Variants in MME observed in about 807,000 individuals in gnomAD.
MME encodes the protein membrane metalloendopeptidase, also known as neprilysin.
Under a neutral mutation model 113.2 loss-of-function variants are expected in MME, and 98 were observed. The ratio of observed to expected loss-of-function variants is 0.87; its 90% CI spans 0.74 to 1.02. MME has a LOEUF of 1.02. Ranked by LOEUF, MME falls within the 50% of genes least tolerant of loss-of-function variation. The pLI is 0.00. For synonymous variants in MME, 292 were observed against 300.6 expected, an observed-to-expected ratio of 0.97 and a Z score of 0.30; for missense variants, 836 against 896.0, an observed-to-expected ratio of 0.93 and a Z score of 0.86.
At chr3:155,032,020 C>T (rs1351374324) in intron 1 of MME, among the ~76,000 whole-genome samples, 3 of 152,136 alleles carry the variant, frequency 2.0e-5, no homozygotes, top group Non-Finnish European at 4.4e-5. Context: ...CAAGGTACCC[C>T]ATTTTCACTA....
intron 1 of MME, among the ~76,000 whole-genome samples, chr3:155,029,080 C>G (rs1331584090): frequency 6.6e-6 from 1 of 152,116 alleles, no homozygotes; most frequent in Non-Finnish European, 1.5e-5. Context: ...CTAATAAACA[C>G]AACATGAGAC....
chr3:155,133,056 A>ATATATATATAT (rs1466261014), intron 8 of MME, among the ~76,000 whole-genome samples: 1 of 85,324 alleles, frequency 1.2e-5, no homozygotes, highest in Non-Finnish European at 2.7e-5. Flanking sequence ...AAAAAAAAAA[A>ATATATATATAT]AAAAAAATAT....
intron 3 of MME, among the ~76,000 whole-genome samples, chr3:155,100,497 T>C (rs1221501143): frequency 6.6e-6 from 1 of 152,182 alleles, no homozygotes; most frequent in Non-Finnish European, 1.5e-5. Context: ...AGTGTGGTGA[T>C]TCCTCAGAGA....
intron 1 of MME, among the ~76,000 whole-genome samples, chr3:155,068,780 T>C (rs1044687156): frequency 1.1e-4 from 17 of 152,174 alleles, no homozygotes; most frequent in Non-Finnish European, 2.4e-4. Context: ...GAACAATGAA[T>C]TGAGATCAAG....
intron 1 of MME, among the ~76,000 whole-genome samples, chr3:155,025,680 TCTTTCTTTC>T (rs1319938739): frequency 6.8e-6 from 1 of 147,636 alleles, no homozygotes; most frequent in Non-Finnish European, 1.5e-5. Context: ...ATTTTTTCTT[TCTTTCTTTC>T]TTTTTTTTTT....
intron 1 of MME, among the ~76,000 whole-genome samples, chr3:155,045,583 T>C (rs912085633): frequency 6.6e-6 from 1 of 151,522 alleles, no homozygotes; most frequent in Non-Finnish European, 1.5e-5. Flanking sequence ...CTGGTATCAG[T>C]AGGCTCTGTG....
intron 22 of MME, among the ~76,000 whole-genome samples, chr3:155,177,058 G>C (rs910464708): frequency 2.6e-5 from 4 of 151,886 alleles, no homozygotes; most frequent in Non-Finnish European, 1.5e-5. Context: ...CTTTCTTTTA[G>C]GTGTTTTTTG....
chr3:155,104,609 T>C (rs768442108), intron 3 of MME, among the ~76,000 whole-genome samples: 1 of 152,220 alleles, frequency 6.6e-6, no homozygotes, highest in Non-Finnish European at 1.5e-5. Flanking sequence ...CTGGTTATTC[T>C]TGACAGACAA....
In MME at chr3:155,046,128, T is replaced by A. The variant is rs912930088; in HGVS notation, c.-11+21804T>A. Among the ~76,000 whole-genome samples, 4 of 152,186 alleles carry A rather than the reference T, an allele frequency of 2.6e-5. No homozygotes were observed. In the South Asian group the frequency reaches 6.2e-4, roughly 24 times the overall value. The stretch of plus-strand genomic sequence containing the variant: ...TCCTATCCATGTATGTTAGACTTTT[T>A]AATATTGTCCTATGTGTCCCTGAGA... On this transcript the variant is annotated intron_variant, in intron 1 of 22. Transcript: ENST00000492661.
Position 155,096,550 on chromosome 3 carries a change from G to A in MME, c.196+11456G>A, listed in dbSNP as rs545772622. 3.3e-5 allele frequency among the ~76,000 whole-genome samples: 5 copies of A among 152,256 alleles called. 1 individual carries two copies. In the South Asian group the frequency reaches 1.0e-3, roughly 32 times the overall value. On this transcript the variant is annotated intron_variant, in intron 3 of 22. Coordinates refer to ENST00000360490, the MANE Select transcript of MME (RefSeq NM_007289.4). The stretch of plus-strand genomic sequence containing the variant: ...CTAGTAGCGGTGGGAGGTCACAGAA[G>A]GAAGGGTTTTAAATGACGCATGACT...
Position 155,181,551 on chromosome 3 carries a change from T to C in MME, c.*1092T>C, listed in dbSNP as rs1037329139. The stretch of plus-strand genomic sequence containing the variant: ...CTGTCTTTTCAGGTTTGTCATCAGA[T>C]GGAAATATTTTGATAATAAATTGAA... On this transcript the variant is annotated 3_prime_UTR_variant, in exon 23 of 23. Coordinates refer to ENST00000360490, the MANE Select transcript of MME (RefSeq NM_007289.4). 2 of 152,124 alleles carry C rather than the reference T, an allele frequency of 1.3e-5. No individual in the cohort carries two copies. The highest frequency in any genetic ancestry group is 4.8e-5 in the African/African-American group (2 of 41,438). The allele number at this position is 152,124 out of a possible 1,614,324, so 9.4% of individuals were successfully genotyped here.
At chr3:155,150,815 A>G (rs1423163966) in intron 16 of MME, among the ~76,000 whole-genome samples, 1 of 152,206 alleles carries the variant, frequency 6.6e-6, no homozygotes, top group Non-Finnish European at 1.5e-5. Context: ...TTAATTTGGC[A>G]ATTTAGGTTT....
At position 155,144,372 on chromosome 3, in the gene MME, T is replaced by C. The variant is rs150782596; in HGVS notation, c.1331T>C (p.Ile444Thr). ...GESKHVVEDL[I>T]AQIREVFIQT... Reference sequence around the variant, plus strand: ...TTCTGATTTGAGGTCGAGGATTTGATTGCACAGATCCGAGAAGTTTTTATT... The same window carrying C: ...TTCTGATTTGAGGTCGAGGATTTGACTGCACAGATCCGAGAAGTTTTTATT... Residue 444 changes from isoleucine (I) to threonine (T), a missense_variant, in exon 14 of 23, where the codon ATT becomes ACT. Transcript: ENST00000360490. 8.1e-6 allele frequency: 13 copies of C among 1,611,180 alleles called. No homozygotes were observed. The highest frequency in any genetic ancestry group is 1.3e-5 in the African/African-American group (1 of 74,848).
At position 155,115,055 on chromosome 3, in the gene MME, T is replaced by A. The variant is rs199628395; in HGVS notation, c.258T>A (p.Tyr86Ter). ...AGCCTTGTACAGACTTTTTCAAATA[T>A]GCTTGCGGAGGCTGGTTGAAACGTA... ...TTEPCTDFFK[Y>*]ACGGWLKRNV... The change falls in exon 4 of 23, where the codon TAT becomes TAA. Residue 86 changes from tyrosine to a stop codon, truncating the protein, a stop_gained. Coordinates refer to ENST00000360490, the MANE Select transcript of MME (RefSeq NM_007289.4). LOFTEE classifies it high-confidence loss of function. 1 of 1,614,172 alleles carries A rather than the reference T, an allele frequency of 6.2e-7. No homozygotes were observed. Among genetic ancestry groups the A allele is most frequent in the Non-Finnish European group, 8.5e-7 (1 of 1,180,016 alleles).
intron 16 of MME, among the ~76,000 whole-genome samples, chr3:155,155,180 C>A: frequency 6.6e-6 from 1 of 151,676 alleles, no homozygotes; most frequent in Non-Finnish European, 1.5e-5. Context: ...GTTTTGTTTT[C>A]CAGAGGGGGA....
At chr3:155,119,327 T>G (rs149904674) in intron 8 of MME, among the ~76,000 whole-genome samples, 1 of 151,940 alleles carries the variant, frequency 6.6e-6, no homozygotes, top group Admixed American at 6.6e-5. Flanking sequence ...GGGCATCATA[T>G]CCCATAGTGG....
chr3:155,167,319 T>C (rs1723174308), intron 18 of MME, among the ~76,000 whole-genome samples: 1 of 152,172 alleles, frequency 6.6e-6, no homozygotes, highest in South Asian at 2.1e-4. Flanking sequence ...TTCCTGGTTG[T>C]ATATGACGTA....
chr3:155,116,870 GCTT>G lies in MME; in HGVS notation c.542_544del (p.Ser181del), dbSNP rs1303398589. ...TATTTTATCTTTTATTGCTTTAGGTGCTTCTTGGACAGCTGAAAAAGCTATTGC... is the reference window on the plus strand; with the variant it reads ...TATTTTATCTTTTATTGCTTTAGGTGCTTGGACAGCTGAAAAAGCTATTGC... On this transcript the variant is annotated inframe_deletion, in exon 7 of 23. Transcript: ENST00000360490. The G allele has an allele frequency of 6.3e-7, 1 of 1,598,642 alleles. No homozygotes were observed. The highest frequency in any genetic ancestry group is 8.6e-7 in the Non-Finnish European group (1 of 1,166,456).
In MME at chr3:155,164,815, C is replaced by T. The variant is rs539869770; in HGVS notation, c.1661-2087C>T. 7.9e-5 allele frequency among the ~76,000 whole-genome samples: 12 copies of T among 152,294 alleles called. No homozygotes were observed. In the South Asian group the frequency reaches 2.5e-3, roughly 32 times the overall value. ...GTGAGGTATAACTTTCATAAAAATTCTCTAAAGACAAAAGTACTTTTTTGT... is the reference window on the plus strand; with the variant it reads ...GTGAGGTATAACTTTCATAAAAATTTTCTAAAGACAAAAGTACTTTTTTGT... On this transcript the variant is annotated intron_variant, in intron 17 of 22. Coordinates refer to ENST00000360490, the MANE Select transcript of MME (RefSeq NM_007289.4).
Sources: gnomAD v4.1 joint callset for allele counts (sites outside exome capture counted in the v4.1 genomes callset) on GRCh38, gnomAD v4.1.1 for gene constraint, MANE v1.5 for transcripts, NCBI Gene and HGNC (gene_info 2026-07-23, HGNC 2026-07-21) for gene names.